The following SUCLG2 variants were observed in gnomAD, a reference collection of about 807,000 sequenced individuals.
SUCLG2 encodes succinate--CoA ligase [GDP-forming] subunit beta, mitochondrial.
A neutral mutation model predicts 47.9 loss-of-function variants in SUCLG2; 42 were observed. The ratio of observed to expected loss-of-function variants is 0.88; its 90% CI spans 0.69 to 1.14. The LOEUF (loss-of-function observed/expected upper bound fraction) is 1.14, where lower values mean the gene tolerates loss of function less well. Among genes scored for constraint, SUCLG2 ranks in the 50% most tolerant of loss-of-function variants. The probability of loss-of-function intolerance (pLI) is 0.00; values close to 1 mark genes in which losing one functional copy is unlikely to be tolerated. For synonymous variants in SUCLG2, 195 were observed against 197.3 expected (o/e 0.99, Z 0.10); for missense variants, 571 against 525.9 (o/e 1.09, Z -0.84).
At chr3:67,585,966 C>CAAAA (rs67546250) in intron 2 of SUCLG2, among the ~76,000 whole-genome samples, 25 of 59,572 alleles carry the variant, frequency 4.2e-4, no homozygotes, top group African/African-American at 1.3e-3. Flanking sequence ...GACTCCATTT[C>CAAAA]AAAAAAAAAA....
intron 2 of SUCLG2, among the ~76,000 whole-genome samples, chr3:67,547,285 A>G (rs968698408): frequency 1.1e-4 from 16 of 152,188 alleles, no homozygotes; most frequent in African/African-American, 3.9e-4. Flanking sequence ...CCCAGCCCCT[A>G]AAGCTATGAG....
intron 9 of SUCLG2, among the ~76,000 whole-genome samples, chr3:67,440,995 T>C (rs927744666): frequency 2.6e-5 from 4 of 152,142 alleles, no homozygotes; most frequent in African/African-American, 9.7e-5. Context: ...CCATCAATGA[T>C]AGACTGGATA....
intron 9 of SUCLG2, among the ~76,000 whole-genome samples, chr3:67,458,066 T>C (rs190942039): frequency 1.1e-3 from 168 of 152,120 alleles, no homozygotes; most frequent in Non-Finnish European, 1.9e-3. Flanking sequence ...AGGGGCCCTT[T>C]GGAGATATCA....
intron 2 of SUCLG2, among the ~76,000 whole-genome samples, chr3:67,538,132 G>C (rs916960892): frequency 2.6e-5 from 4 of 152,164 alleles, no homozygotes; most frequent in Non-Finnish European, 2.9e-5. Flanking sequence ...TTTTAGTCAT[G>C]AAGTCTCTGC....
chr3:67,596,666 A>G (rs1291885363), intron 2 of SUCLG2, among the ~76,000 whole-genome samples: 1 of 152,202 alleles, frequency 6.6e-6, no homozygotes, highest in Non-Finnish European at 1.5e-5. Context: ...CCTTGTGCCC[A>G]ACCAACCTCA....
At chr3:67,434,664 A>G (rs61475061) in intron 9 of SUCLG2, among the ~76,000 whole-genome samples, 26 of 152,376 alleles carry the variant, frequency 1.7e-4, no homozygotes, top group African/African-American at 6.3e-4. Context: ...AATATTTTAT[A>G]CTGGTTGGGA....
At chr3:67,394,691 G>C (rs1702479616) in intron 10 of SUCLG2, among the ~76,000 whole-genome samples, 1 of 151,016 alleles carries the variant, frequency 6.6e-6, no homozygotes, top group Non-Finnish European at 1.5e-5. Flanking sequence ...GATACTCCTC[G>C]AGAAGAGCAA....
chr3:67,456,446 G>A (rs6810055), intron 9 of SUCLG2, among the ~76,000 whole-genome samples: 98,740 of 152,046 alleles, frequency 0.65, 32,499 homozygotes, highest in Middle Eastern at 0.73. Context: ...GCCCTCATTG[G>A]AAGATTTACT....
At chr3:67,564,941 A>G (rs1707411162) in intron 2 of SUCLG2, among the ~76,000 whole-genome samples, 1 of 151,438 alleles carries the variant, frequency 6.6e-6, no homozygotes, top group Non-Finnish European at 1.5e-5. Flanking sequence ...AATAAAATGT[A>G]CCTTGTATTC....
intron 1 of SUCLG2, among the ~76,000 whole-genome samples, chr3:67,626,913 CAAA>C (rs35290770): frequency 1.4e-4 from 6 of 42,084 alleles, no homozygotes; most frequent in African/African-American, 6.3e-4. Context: ...GACTCCGTCT[CAAA>C]AAAAAAAAAA....
rs985877179 is a variant in SUCLG2, at chr3:67,365,622, G to A, written c.1184-4854C>T. Among the ~76,000 whole-genome samples the A allele has an allele frequency of 1.1e-4, 17 of 152,132 alleles. 1 individual carries two copies. Among genetic ancestry groups the A allele is most frequent in the Admixed American group, 9.8e-4 (15 of 15,272 alleles). Reference sequence around the variant, plus strand: ...ATTTGGATTAACAGGTCAGTGTCCTGTTTTCATACAATCTAACATGTATGA... The same window carrying A: ...ATTTGGATTAACAGGTCAGTGTCCTATTTTCATACAATCTAACATGTATGA... On this transcript the variant is annotated intron_variant, in intron 10 of 10. Coordinates refer to the SUCLG2 transcript ENST00000493112.
At chr3:67,571,573 G>T (rs926078460) in intron 2 of SUCLG2, among the ~76,000 whole-genome samples, 1 of 152,012 alleles carries the variant, frequency 6.6e-6, no homozygotes, top group South Asian at 2.1e-4. Flanking sequence ...AACTAAAATA[G>T]CATGTATTCC....
rs75223396 is a variant in SUCLG2, at chr3:67,527,135, A to G, written c.417+997T>C. On this transcript the variant is annotated intron_variant, in intron 4 of 10. Transcript: ENST00000307227. ...AATGGAACTAAATACTGATAAATAC[A>G]ACAACTTAAGAGTTTTCCACAAAAC... Among the ~76,000 whole-genome samples, 624 of 152,374 alleles carry G rather than the reference A, an allele frequency of 4.1e-3. 9 individuals carry two copies. Among genetic ancestry groups the G allele is most frequent in the African/African-American group, 0.014 (584 of 41,594 alleles).
chr3:67,420,923 A>G (rs1314674054), intron 9 of SUCLG2, among the ~76,000 whole-genome samples: 1 of 152,210 alleles, frequency 6.6e-6, no homozygotes, highest in African/African-American at 2.4e-5. Flanking sequence ...TGTCAGGCAC[A>G]TATGGGTTTT....
chr3:67,371,139 TAGGAA>T (rs1211882136), downstream of SUCLG2, among the ~76,000 whole-genome samples: 2 of 152,152 alleles, frequency 1.3e-5, no homozygotes, highest in Non-Finnish European at 2.9e-5. Flanking sequence ...CTTCCCTAGC[TAGGAA>T]AGGAATTAGG....
chr3:67,429,458 A>G (rs186500015), intron 9 of SUCLG2, among the ~76,000 whole-genome samples: 1 of 152,312 alleles, frequency 6.6e-6, no homozygotes, highest in East Asian at 1.9e-4. Flanking sequence ...AGCACTAAAC[A>G]TGGAAAGGAA....
At chr3:67,417,221 C>T (rs1038254790) in intron 9 of SUCLG2, among the ~76,000 whole-genome samples, 4 of 152,138 alleles carry the variant, frequency 2.6e-5, no homozygotes, top group African/African-American at 9.7e-5. Flanking sequence ...TAACTGTAAG[C>T]TTTTTCATAA....
intron 10 of SUCLG2, among the ~76,000 whole-genome samples, chr3:67,393,718 C>T (rs1345483418): frequency 2.0e-5 from 3 of 152,212 alleles, no homozygotes; most frequent in Non-Finnish European, 4.4e-5. Flanking sequence ...CAGACTGCCT[C>T]CTCAAGTGGG....
At chr3:67,406,939 C>T (rs149894403) in intron 9 of SUCLG2, among the ~76,000 whole-genome samples, 33 of 152,310 alleles carry the variant, frequency 2.2e-4, no homozygotes, top group African/African-American at 7.9e-4. Context: ...CAAACCAACA[C>T]TGTTTCACCA....
Sources: gnomAD v4.1 joint callset for allele counts (sites outside exome capture counted in the v4.1 genomes callset) on GRCh38, gnomAD v4.1.1 for gene constraint, MANE v1.5 for transcripts, NCBI Gene and HGNC (gene_info 2026-07-23, HGNC 2026-07-21) for gene names.